L3MBTL4: variants seen among roughly 807,000 people sequenced by gnomAD.
L3MBTL4 encodes the protein lethal(3)malignant brain tumor-like protein 4.
L3MBTL4 carries 70 observed loss-of-function variants against 84.5 expected under a neutral mutation model. That is an observed-to-expected ratio of 0.83 (90% CI 0.68 to 1.01). The LOEUF is 1.01. Among genes scored for constraint, L3MBTL4 ranks in the 50% least tolerant of loss-of-function variants. L3MBTL4 has a pLI of 0.00. For missense variants in L3MBTL4, 715 were observed against 754.8 expected, an observed-to-expected ratio of 0.95 and a Z score of 0.62; for synonymous variants, 274 against 259.8, an observed-to-expected ratio of 1.05 and a Z score of -0.52.
chr18:6,031,926 G>C (rs912103766), intron 16 of L3MBTL4: 5 of 764,030 alleles, frequency 6.5e-6, no homozygotes, highest in Non-Finnish European at 8.0e-6. Flanking sequence ...CCTGCATTGT[G>C]TGGTTTGTAC....
At chr18:5,958,407 C>T (rs2095245475) in intron 18 of L3MBTL4, among the ~76,000 whole-genome samples, 1 of 152,186 alleles carries the variant, frequency 6.6e-6, no homozygotes, top group Non-Finnish European at 1.5e-5. Flanking sequence ...GAGCCTACAT[C>T]CATACCCTGA....
rs555438514 is a variant in L3MBTL4 at position 6,099,212 on chromosome 18, C to T, written c.1200-5684G>A. ...AAAAATAACCCGCCCCATTTCAGAA[C>T]TGTATTGTCTTTAGTATGCAGTAGT... On this transcript the variant is annotated intron_variant, in intron 14 of 18. Transcript: ENST00000317931. 2.6e-5 allele frequency among the ~76,000 whole-genome samples: 4 copies of T among 152,242 alleles called. No homozygotes were observed. The South Asian group carries it at 8.3e-4, about 32-fold the overall frequency.
chr18:6,350,593 T>A (rs1344288512), intron 1 of L3MBTL4, among the ~76,000 whole-genome samples: 1 of 150,172 alleles, frequency 6.7e-6, no homozygotes, highest in African/African-American at 2.4e-5. Flanking sequence ...GATAAAGATG[T>A]GGAGAAGTGA....
intron 12 of L3MBTL4, among the ~76,000 whole-genome samples, chr18:6,188,723 C>A (rs1365219737): frequency 1.2e-4 from 19 of 152,208 alleles, no homozygotes; most frequent in Non-Finnish European, 2.5e-4. Context: ...GTGTTGAGAT[C>A]TGCCGAAACC....
At chr18:6,057,941 A>T (rs1249426306) in intron 16 of L3MBTL4, among the ~76,000 whole-genome samples, 1 of 152,236 alleles carries the variant, frequency 6.6e-6, no homozygotes, top group African/African-American at 2.4e-5. Flanking sequence ...AAAATTGCTC[A>T]TAATAGCTAT....
intron 13 of L3MBTL4, among the ~76,000 whole-genome samples, chr18:6,153,021 T>G (rs1394324966): frequency 6.6e-6 from 1 of 152,240 alleles, no homozygotes; most frequent in Non-Finnish European, 1.5e-5. Context: ...CTTGGTGCCT[T>G]TGTCAAAGAT....
intron 18 of L3MBTL4, among the ~76,000 whole-genome samples, chr18:5,959,344 A>T (rs941264581): frequency 3.3e-5 from 5 of 152,164 alleles, no homozygotes; most frequent in African/African-American, 1.2e-4. Context: ...TAGTGTTGTC[A>T]CAAGGATCAA....
chr18:6,364,389 C>T (rs1239084043), intron 1 of L3MBTL4, among the ~76,000 whole-genome samples: 1 of 151,636 alleles, frequency 6.6e-6, no homozygotes, highest in Non-Finnish European at 1.5e-5. Context: ...ATGCATAATA[C>T]TAAAAGCACC....
intron 1 of L3MBTL4, among the ~76,000 whole-genome samples, chr18:6,334,499 T>C (rs1485259872): frequency 6.6e-6 from 1 of 152,186 alleles, no homozygotes; most frequent in Non-Finnish European, 1.5e-5. Flanking sequence ...CTCTTAAATA[T>C]GTTCAAAAAT....
intron 4 of L3MBTL4, among the ~76,000 whole-genome samples, chr18:6,276,755 A>G (rs2049097056): frequency 6.6e-6 from 1 of 152,116 alleles, no homozygotes; most frequent in South Asian, 2.1e-4. Flanking sequence ...CATGTCAGAC[A>G]ACAGTAAGTG....
At chr18:6,213,335 T>C in intron 11 of L3MBTL4, 76 bp from the exon 12 acceptor site, 1 of 749,518 alleles carries the variant, frequency 1.3e-6, no homozygotes, top group South Asian at 2.0e-5. Context: ...TTTTCTAAAA[T>C]ACTACTGTTT....
chr18:5,974,311 G>A (rs146991133), intron 16 of L3MBTL4, among the ~76,000 whole-genome samples: 63 of 152,316 alleles, frequency 4.1e-4, no homozygotes, highest in African/African-American at 1.1e-3. Context: ...TGCAGGGTCT[G>A]AAGAGGCCCT....
intron 1 of L3MBTL4, among the ~76,000 whole-genome samples, chr18:6,353,809 C>A (rs1374716272): frequency 3.7e-5 from 5 of 134,394 alleles, no homozygotes; most frequent in African/African-American, 1.4e-4. Context: ...GAAAGATATT[C>A]CATTTTTTTA....
At chr18:6,383,252 G>C (rs897938939) in intron 1 of L3MBTL4, among the ~76,000 whole-genome samples, 2 of 152,168 alleles carry the variant, frequency 1.3e-5, no homozygotes, top group Admixed American at 6.5e-5. Context: ...TGGGCTCCGT[G>C]GGGGTAGGAC....
At chr18:6,036,628 CTT>C (rs2145667203) in intron 16 of L3MBTL4, among the ~76,000 whole-genome samples, 1 of 152,238 alleles carries the variant, frequency 6.6e-6, no homozygotes, top group African/African-American at 2.4e-5. Context: ...TTCTTATTGA[CTT>C]ATTTTTATTC....
At chr18:6,248,121 C>A (rs567498828) in intron 5 of L3MBTL4, among the ~76,000 whole-genome samples, 1 of 152,134 alleles carries the variant, frequency 6.6e-6, no homozygotes, top group Admixed American at 6.5e-5. Flanking sequence ...CTAATCCCCC[C>A]CCAAAAGGTT....
intron 14 of L3MBTL4, among the ~76,000 whole-genome samples, chr18:6,135,972 C>A (rs2060014597): frequency 6.6e-6 from 1 of 152,170 alleles, no homozygotes; most frequent in Non-Finnish European, 1.5e-5. Context: ...ACTTACAGTT[C>A]CACATGGCTG....
chr18:6,333,846 T>C (rs1333950193), intron 1 of L3MBTL4, among the ~76,000 whole-genome samples: 1 of 152,176 alleles, frequency 6.6e-6, no homozygotes, highest in Non-Finnish European at 1.5e-5. Flanking sequence ...ATATCAAATA[T>C]TAATATGCCA....
chr18:5,979,054 T>C (rs552021350), intron 16 of L3MBTL4, among the ~76,000 whole-genome samples: 26 of 152,238 alleles, frequency 1.7e-4, no homozygotes, highest in African/African-American at 6.0e-4. Context: ...AATAGCTGTT[T>C]GCTGACAACC....
Sources: gnomAD v4.1 joint callset for allele counts (sites outside exome capture counted in the v4.1 genomes callset) on GRCh38, gnomAD v4.1.1 for gene constraint, MANE v1.5 for transcripts, NCBI Gene and HGNC (gene_info 2026-07-23, HGNC 2026-07-21) for gene names.